RBFOX1: variants seen among roughly 807,000 people sequenced by gnomAD.
RBFOX1 encodes the protein RNA binding protein fox-1 homolog 1.
In RBFOX1, 8 loss-of-function variants were observed where a neutral mutation model predicts 57.7. The ratio of observed to expected loss-of-function variants is 0.14; its 90% CI spans 0.08 to 0.25. The LOEUF is 0.25. Among genes scored for constraint, RBFOX1 ranks in the 10% least tolerant of loss-of-function variants. The probability of loss-of-function intolerance (pLI) is 1.00; values close to 1 mark genes in which losing one functional copy is unlikely to be tolerated. For missense variants in RBFOX1, 611 were observed against 548.5 expected, an observed-to-expected ratio of 1.11 and a Z score of -1.14; for synonymous variants, 326 against 222.4, an observed-to-expected ratio of 1.47 and a Z score of -4.15.
intron 3 of RBFOX1, among the ~76,000 whole-genome samples, chr16:6,838,495 T>C (rs763263974): frequency 6.6e-6 from 1 of 152,196 alleles, no homozygotes; most frequent in Non-Finnish European, 1.5e-5. Context: ...TTAATTTGCA[T>C]GCAATTAAAA....
At chr16:7,443,911 C>G (rs527315103) in intron 4 of RBFOX1, among the ~76,000 whole-genome samples, 4 of 152,336 alleles carry the variant, frequency 2.6e-5, no homozygotes, top group Admixed American at 6.5e-5. Flanking sequence ...ACTACTGATT[C>G]TGTATTCCTT....
At chr16:6,092,401 T>G (rs1203186517) in intron 1 of RBFOX1, 5 of 152,236 alleles carry the variant, frequency 3.3e-5, no homozygotes, top group Admixed American at 3.3e-4. Context: ...CTATGTCTCC[T>G]ACCTTCTTGT....
intron 2 of RBFOX1, among the ~76,000 whole-genome samples, chr16:6,361,061 G>A (rs1436468674): frequency 1.3e-5 from 2 of 152,008 alleles, no homozygotes; most frequent in African/African-American, 2.4e-5. Context: ...TTGTCTAAAA[G>A]TTTAATCTTG....
intron 2 of RBFOX1, among the ~76,000 whole-genome samples, chr16:6,436,562 C>G (rs951875251): frequency 1.6e-5 from 2 of 125,930 alleles, no homozygotes; most frequent in Non-Finnish European, 3.2e-5. Context: ...ACATATAGGT[C>G]CAAGTTGAAA....
chr16:5,856,980 TG>T (rs1206744604), intron 3 of RBFOX1, among the ~76,000 whole-genome samples: 2 of 152,162 alleles, frequency 1.3e-5, no homozygotes, highest in Non-Finnish European at 2.9e-5. Context: ...GATAACTGTT[TG>T]GGGGAAGAGG....
intron 2 of RBFOX1, among the ~76,000 whole-genome samples, chr16:5,560,262 C>A (rs181300659): frequency 6.6e-6 from 1 of 152,036 alleles, no homozygotes; most frequent in African/African-American, 2.4e-5. Context: ...CACTTAGTCA[C>A]CTCCTCCAGG....
At chr16:6,853,939 T>TAGTA (rs1187131292) in intron 3 of RBFOX1, among the ~76,000 whole-genome samples, 1 of 152,192 alleles carries the variant, frequency 6.6e-6, no homozygotes, top group Non-Finnish European at 1.5e-5. Context: ...GTAGCCTGCA[T>TAGTA]GTCTAGGTAA....
chr16:6,828,305 C>T (rs974634848), intron 3 of RBFOX1, among the ~76,000 whole-genome samples: 4 of 152,010 alleles, frequency 2.6e-5, no homozygotes, highest in African/African-American at 9.7e-5. Flanking sequence ...GTGGGTGGGT[C>T]ACAAGGTGAA....
At chr16:7,190,257 G>T (rs1239296128) in intron 4 of RBFOX1, among the ~76,000 whole-genome samples, 2 of 152,276 alleles carry the variant, frequency 1.3e-5, no homozygotes, top group East Asian at 3.9e-4. Context: ...GACTCGGGAG[G>T]CTGAGGCAGG....
At position 7,580,826 on chromosome 16, in the gene RBFOX1, C is replaced by T. The variant is rs551448458; in HGVS notation, c.414+906C>T. ...TGTAGCCAATTTGCCCATGACATCC[C>T]AGCAATGATAGCAGGTGCCTCTGGA... On this transcript the variant is annotated intron_variant, in intron 6 of 15. Transcript: ENST00000550418. Among the ~76,000 whole-genome samples, 5 of 152,282 alleles carry T rather than the reference C, an allele frequency of 3.3e-5. No individual in the cohort carries two copies. The East Asian group carries it at 9.7e-4, about 29-fold the overall frequency.
At chr16:7,482,602 G>C (rs530895561) in intron 4 of RBFOX1, among the ~76,000 whole-genome samples, 1 of 139,782 alleles carries the variant, frequency 7.2e-6, no homozygotes, top group Non-Finnish European at 1.5e-5. Context: ...CCTAGCCTCG[G>C]GTACACAAAT....
Position 7,497,354 on chromosome 16 carries a change from T to G in RBFOX1, c.28-20793T>G, listed in dbSNP as rs28420615. ...TTCCTTGAATTTGCACCTAACTCAC[T>G]CCATCATCTCCTCAAGATTCCTCTC... On this transcript the variant is annotated intron_variant, in intron 4 of 15. Transcript: ENST00000550418. Among the ~76,000 whole-genome samples the G allele has an allele frequency of 4.4e-3, 675 of 152,282 alleles. 6 individuals are homozygous for G. Among genetic ancestry groups the G allele is most frequent in the African/African-American group, 0.016 (654 of 41,558 alleles).
intron 2 of RBFOX1, among the ~76,000 whole-genome samples, chr16:6,377,224 A>C (rs560525812): frequency 6.7e-6 from 1 of 149,772 alleles, no homozygotes; most frequent in Non-Finnish European, 1.5e-5. Context: ...CAGTGAGCCA[A>C]GGTCATGCAA....
intron 1 of RBFOX1, among the ~76,000 whole-genome samples, chr16:6,048,697 G>A (rs1347083094): frequency 6.6e-6 from 1 of 152,040 alleles, no homozygotes; most frequent in Non-Finnish European, 1.5e-5. Context: ...TTATATACGA[G>A]TGACCTTTCC....
At chr16:6,978,812 C>G (rs2087827989) in intron 3 of RBFOX1, among the ~76,000 whole-genome samples, 3 of 152,220 alleles carry the variant, frequency 2.0e-5, no homozygotes, top group Admixed American at 2.0e-4. Context: ...AATACATTGC[C>G]TATATCGGGT....
At chr16:6,582,406 A>C (rs2097548476) in intron 2 of RBFOX1, among the ~76,000 whole-genome samples, 2 of 152,174 alleles carry the variant, frequency 1.3e-5, no homozygotes, top group East Asian at 3.9e-4. Flanking sequence ...CATTTTGGAG[A>C]AATATAATTA....
At chr16:6,496,933 C>A (rs757505382) in intron 2 of RBFOX1, among the ~76,000 whole-genome samples, 1 of 152,056 alleles carries the variant, frequency 6.6e-6, no homozygotes, top group Non-Finnish European at 1.5e-5. Context: ...GCACTCCAGC[C>A]TGGGCAACAA....
chr16:7,206,487 GCA>G (rs61191143), intron 4 of RBFOX1, among the ~76,000 whole-genome samples: 175 of 150,170 alleles, frequency 1.2e-3, no homozygotes, highest in African/African-American at 4.1e-3. Flanking sequence ...ATATATATAT[GCA>G]CACACACACA....
At chr16:7,157,037 A>G (rs928879992) in intron 4 of RBFOX1, among the ~76,000 whole-genome samples, 1 of 152,336 alleles carries the variant, frequency 6.6e-6, no homozygotes, top group Admixed American at 6.5e-5. Flanking sequence ...GAAATTTACA[A>G]GGAGCTCTCC....
Sources: gnomAD v4.1 joint callset for allele counts (sites outside exome capture counted in the v4.1 genomes callset) on GRCh38, gnomAD v4.1.1 for gene constraint, MANE v1.5 for transcripts, NCBI Gene and HGNC (gene_info 2026-07-23, HGNC 2026-07-21) for gene names.